Variants in MYO5C observed in about 807,000 individuals in gnomAD.
MYO5C encodes unconventional myosin-Vc.
In MYO5C, 194 loss-of-function variants were observed where a neutral mutation model predicts 235.7. The ratio of observed to expected loss-of-function variants is 0.82; its 90% CI spans 0.73 to 0.93. The LOEUF is 0.93. Among genes scored for constraint, MYO5C ranks in the 40% least tolerant of loss-of-function variants. The probability of loss-of-function intolerance (pLI) is 0.00; values close to 1 mark genes in which losing one functional copy is unlikely to be tolerated. For missense variants in MYO5C, 2,038 were observed against 2,127.2 expected (o/e 0.96, Z 0.82); for synonymous variants, 707 against 754.8 (o/e 0.94, Z 1.04).
rs1448045129 is a variant in MYO5C, at chr15:52,253,043, C to A, written c.1536+274G>T. On this transcript the variant is annotated intron_variant, in intron 12 of 40. Transcript: ENST00000261839. ...AGTGGAGTCACTTGCTGTTTTCATG[C>A]ATGTTTCTACATACACTTTGGGACA... 2.6e-5 allele frequency among the ~76,000 whole-genome samples: 4 copies of A among 152,318 alleles called. No homozygotes were observed. In the South Asian group the frequency reaches 8.3e-4, roughly 32 times the overall value.
chr15:52,213,068 G>T, intron 34 of MYO5C, 120 bp downstream of exon 34: 1 of 687,522 alleles, frequency 1.5e-6, no homozygotes, highest in South Asian at 1.7e-5. Flanking sequence ...CTCTGGGCTG[G>T]GGGAAGAAGC....
intron 1 of MYO5C, among the ~76,000 whole-genome samples, chr15:52,294,489 A>T (rs1268156220): frequency 6.6e-6 from 1 of 152,246 alleles, no homozygotes; most frequent in Non-Finnish European, 1.5e-5. Context: ...AAGTAGAAGA[A>T]AAACGTTTGC....
At chr15:52,256,579 A>ACGCGCGCGCG in intron 11 of MYO5C, 60 bp downstream of exon 11, 1 of 950,680 alleles carries the variant, frequency 1.1e-6, no homozygotes, top group South Asian at 1.4e-5. Context: ...ACACACACAC[A>ACGCGCGCGCG]CACACACACG....
chr15:52,193,882 T>C lies in MYO5C; in HGVS notation c.*20A>G, dbSNP rs1184306336. On this transcript the variant is annotated 3_prime_UTR_variant, in exon 41 of 41. Transcript: ENST00000261839. ...CTTCACTTAGCTTTTGAAGAAAAAG[T>C]GCATTGACTTTTTCTCCTGCTATAA... 40 of 1,598,388 alleles carry C rather than the reference T, an allele frequency of 2.5e-5. No homozygotes were observed. Among genetic ancestry groups the C allele is most frequent in the Non-Finnish European group, 3.4e-5 (40 of 1,175,718 alleles).
intron 38 of MYO5C, 91 bp from the exon 39 acceptor site, chr15:52,196,574 A>G: frequency 4.1e-6 from 5 of 1,230,932 alleles, no homozygotes; most frequent in Non-Finnish European, 5.7e-6. Flanking sequence ...GTTCGCTGAG[A>G]TCCTTAAGAC....
intron 11 of MYO5C, 149 bp downstream of exon 11, chr15:52,256,490 T>C: frequency 5.1e-6 from 3 of 592,366 alleles, no homozygotes; most frequent in East Asian, 5.6e-5. Context: ...CACAAGGTGG[T>C]GCAGTGACCC....
chr15:52,263,593 T>C (rs1267955294), intron 9 of MYO5C, among the ~76,000 whole-genome samples: 2 of 152,140 alleles, frequency 1.3e-5, no homozygotes, highest in African/African-American at 4.8e-5. Flanking sequence ...TCTGGATACA[T>C]GGACCTTCGT....
chr15:52,289,970 T>C (rs2037353182), intron 1 of MYO5C, among the ~76,000 whole-genome samples: 1 of 152,070 alleles, frequency 6.6e-6, no homozygotes, highest in South Asian at 2.1e-4. Flanking sequence ...ACCCATCCTC[T>C]CCCCATCCAA....
At chr15:52,278,047 AAGTC>A in intron 4 of MYO5C, 1 of 438,630 alleles carries the variant, frequency 2.3e-6, no homozygotes, top group South Asian at 1.6e-5. Context: ...GAGGGCAATG[AAGTC>A]AGTCAACTTC....
At chr15:52,194,923 T>C (rs2035013336) in intron 40 of MYO5C, among the ~76,000 whole-genome samples, 1 of 152,136 alleles carries the variant, frequency 6.6e-6, no homozygotes, top group African/African-American at 2.4e-5. Flanking sequence ...GGAAGAGTTT[T>C]GCAGACCCTC....
Position 52,213,254 on chromosome 15 carries a change from C to T in MYO5C, c.4075G>A (p.Glu1359Lys), listed in dbSNP as rs748320730. Residue 1359 changes from glutamate to lysine, a missense_variant, in exon 34 of 41, where the codon GAG becomes AAG. By Grantham distance (56) the Glu-to-Lys change is moderately conservative (BLOSUM62 1). Transcript: ENST00000261839. ...NDVHSSSGPK[E>K]YLGMLQYKRE... Reference sequence around the variant, plus strand: ...TTGTATTGCAGCATTCCAAGGTACTCCTTGGGTCCTGAGGACGAGTGCACA... The same window carrying T: ...TTGTATTGCAGCATTCCAAGGTACTTCTTGGGTCCTGAGGACGAGTGCACA... 3.7e-6 allele frequency: 6 copies of T among 1,614,046 alleles called. No individual in the cohort carries two copies. In the South Asian group the frequency reaches 4.4e-5, roughly 12 times the overall value.
intron 4 of MYO5C, 129 bp downstream of exon 4, chr15:52,278,744 A>G: frequency 1.8e-6 from 2 of 1,137,630 alleles, no homozygotes; most frequent in South Asian, 3.1e-5. Flanking sequence ...AGTCGGCTCA[A>G]CAAAGCACCA....
chr15:52,256,516 G>C, intron 11 of MYO5C, 123 bp downstream of exon 11: 1 of 657,138 alleles, frequency 1.5e-6, no homozygotes. Context: ...GAGGCTCCTT[G>C]CATAAAAATT....
rs1396176747 is a variant in MYO5C at position 52,225,019 on chromosome 15, G to C, written c.3366-38C>G. ...GAAGATAAGAAAATCTATCATCTCT[G>C]TCACGTTTTACATGTTTACATGTCT... On this transcript the variant is annotated intron_variant, in intron 27 of 40. Coordinates refer to ENST00000261839, the MANE Select transcript of MYO5C (RefSeq NM_018728.4). 3.1e-6 allele frequency: 5 copies of C among 1,612,828 alleles called. No individual in the cohort carries two copies. In the South Asian group the frequency reaches 4.4e-5, roughly 14 times the overall value.
chr15:52,279,073 G>GTT (rs774181870), intron 3 of MYO5C, 56 bp from the exon 4 acceptor site: 16,842 of 1,354,220 alleles, frequency 0.012, no homozygotes, highest in Non-Finnish European at 0.013. Context: ...TGCATCTCCA[G>GTT]TTTTTTTTTT....
At chr15:52,247,701 A>G in intron 14 of MYO5C, 109 bp from the exon 15 acceptor site, 1 of 1,217,538 alleles carries the variant, frequency 8.2e-7, no homozygotes, top group Admixed American at 2.2e-5. Flanking sequence ...GTGGGCGGTG[A>G]ACAACCTCAC....
chr15:52,195,556 T>C, intron 39 of MYO5C, 99 bp from the exon 40 acceptor site: 1 of 747,170 alleles, frequency 1.3e-6, no homozygotes, highest in South Asian at 2.8e-5. Flanking sequence ...GAAGCACAGG[T>C]GGTTCTTTTA....
In MYO5C at chr15:52,193,903, T is replaced by A; in HGVS notation, c.5228A>T (p.Ter1743LeuextTer13). 1 of 1,612,542 alleles carries A rather than the reference T, an allele frequency of 6.2e-7. No individual in the cohort carries two copies. The highest frequency in any genetic ancestry group is 8.5e-7 in the Non-Finnish European group (1 of 1,179,562). Reference protein sequence around the residue: ...SFKLGFLNRL* With the variant: ...SFKLGFLNRLL ...AAAGTGCATTGACTTTTTCTCCTGCTATAACCTATTCAGAAAGCCTAGCTT... is the reference window on the plus strand; with the variant it reads ...AAAGTGCATTGACTTTTTCTCCTGCAATAACCTATTCAGAAAGCCTAGCTT... The change falls in exon 41 of 41, where the codon TAG (stop) becomes TTG (leucine). Residue 1743 changes from the stop codon to leucine, a stop_lost. Transcript: ENST00000261839.
chr15:52,231,475 C>T (rs562279358), intron 24 of MYO5C, among the ~76,000 whole-genome samples: 5 of 152,128 alleles, frequency 3.3e-5, no homozygotes, highest in African/African-American at 7.2e-5. Flanking sequence ...TGCCGAGAGC[C>T]GAGCTCTTCT....
Sources: allele counts gnomAD v4.1 joint callset (sites outside exome capture counted in the v4.1 genomes callset), GRCh38; gene constraint gnomAD v4.1.1; transcripts MANE v1.5; gene names NCBI Gene and HGNC (gene_info 2026-07-23, HGNC 2026-07-21).